ERBB3: variants seen among roughly 807,000 people sequenced by gnomAD.
The protein encoded by ERBB3 is receptor tyrosine-protein kinase erbB-3.
A neutral mutation model predicts 156.7 loss-of-function variants in ERBB3; 96 were observed. That is an observed-to-expected ratio of 0.61 (90% CI 0.52 to 0.73). The LOEUF is 0.73. Ranked by LOEUF, ERBB3 falls within the 30% of genes least tolerant of loss-of-function variation. The pLI is 0.00. For synonymous variants in ERBB3, 567 were observed against 632.0 expected (o/e 0.90, Z 1.54); for missense variants, 1,406 against 1,709.4 (o/e 0.82, Z 3.13).
chr12:56,083,907 G>A lies in ERBB3; in HGVS notation c.234+5G>A, dbSNP rs961946828. The A allele has an allele frequency of 1.2e-6, 2 of 1,613,826 alleles. No homozygotes were observed. Among genetic ancestry groups the A allele is most frequent in the African/African-American group, 2.7e-5 (2 of 74,896 alleles). On this transcript the variant is annotated splice_donor_5th_base_variant and intron_variant, in intron 2 of 27. Coordinates refer to ENST00000267101, the MANE Select transcript of ERBB3 (RefSeq NM_001982.4). ...GCCGACCTCTCCTTCCTGCAGGTTA[G>A]TGAGCCCACCCTCCTTCCTCAACCT...
chr12:56,085,341 G>A (rs548496368), intron 3 of ERBB3, 160 bp downstream of exon 3: 15 of 1,489,110 alleles, frequency 1.0e-5, no homozygotes, highest in African/African-American at 1.4e-5. Context: ...GCAATAGAGG[G>A]CCCCCAGTAG....
At chr12:56,095,459 G>A (rs1237340826) in intron 16 of ERBB3, 149 bp downstream of exon 16, 2 of 895,580 alleles carry the variant, frequency 2.2e-6, no homozygotes, top group African/African-American at 3.3e-5. Context: ...CAAGAATGCA[G>A]GCTTCTGGAC....
chr12:56,082,123 G>C (rs1482419503), intron 1 of ERBB3, among the ~76,000 whole-genome samples: 1 of 152,132 alleles, frequency 6.6e-6, no homozygotes, highest in African/African-American at 2.4e-5. Flanking sequence ...AAACACTTAT[G>C]GGCACGTGGG....
At chr12:56,086,486 G>A (rs774723821) in intron 3 of ERBB3, 45 bp from the exon 4 acceptor site, 18 of 1,613,004 alleles carry the variant, frequency 1.1e-5, no homozygotes, top group Middle Eastern at 1.6e-4. Context: ...AGGAAGAGGC[G>A]TTCCGCTGCG....
At chr12:56,096,139 G>A in intron 17 of ERBB3, 2 of 506,760 alleles carry the variant, frequency 3.9e-6, no homozygotes, top group Non-Finnish European at 3.6e-6. Flanking sequence ...TTCCAGGATG[G>A]CTGTAAGGGT....
chr12:56,084,073 T>C (rs978381555), intron 2 of ERBB3, among the ~76,000 whole-genome samples, 171 bp downstream of exon 2: 1 of 152,164 alleles, frequency 6.6e-6, no homozygotes, highest in Admixed American at 6.6e-5. Flanking sequence ...CTGGGACCTA[T>C]GGTCTCACTG....
intron 3 of ERBB3, 101 bp downstream of exon 3, chr12:56,085,282 C>T: frequency 6.2e-7 from 1 of 1,600,318 alleles, no homozygotes; most frequent in Non-Finnish European, 8.5e-7. Flanking sequence ...GTGCCTCTTC[C>T]AAGGTGCCTG....
Position 56,093,508 on chromosome 12 carries a change from G to T in ERBB3, c.1438G>T (p.Glu480Ter). The T allele has an allele frequency of 6.2e-7, 1 of 1,613,740 alleles. No homozygotes were observed. The highest frequency in any genetic ancestry group is 8.5e-7 in the Non-Finnish European group (1 of 1,179,928). Residue 480 changes from glutamate to a stop codon, truncating the protein, a stop_gained, in exon 12 of 28, where the codon GAG becomes TAG. Transcript: ENST00000267101. LOFTEE classifies it high-confidence loss of function. ...CAAGGTGCTTCGGGGGCCTACGGAA[G>T]AGCGACTAGACATCAAGCATAATCG... Reference protein sequence around the residue: ...WTKVLRGPTEERLDIKHNRPR... With the variant: ...WTKVLRGPTE
rs760334728 is a variant in ERBB3 at position 56,093,011 on chromosome 12, G to A, written c.1209G>A (p.Pro403=). The change falls in exon 11 of 28, where the codon CCG becomes CCA. Residue 403 remains proline (P), a synonymous_variant. Transcript: ENST00000267101. ...ITGYLNIQSW[P]PHMHNFSVFS... ...GTTACCTGAACATCCAGTCCTGGCC[G>A]CCCCACATGCACAACTTCAGTGTTT... 27 of 1,613,972 alleles carry A rather than the reference G, an allele frequency of 1.7e-5. No individual in the cohort carries two copies. Among genetic ancestry groups the A allele is most frequent in the South Asian group, 4.4e-5 (4 of 91,086 alleles).
In ERBB3 at chr12:56,093,778, G is replaced by C. The variant is rs1201268212; in HGVS notation, c.1495G>C (p.Val499Leu). The C allele has an allele frequency of 6.2e-7, 1 of 1,614,126 alleles. No individual in the cohort carries two copies. The highest frequency in any genetic ancestry group is 1.1e-5 in the South Asian group (1 of 91,074). The change falls in exon 13 of 28, where the codon GTG (valine) becomes CTG (leucine). Residue 499 changes from valine (V) to leucine (L), a missense_variant. By Grantham distance (32) the Val-to-Leu change is conservative. Transcript: ENST00000267101. ...PRRDCVAEGK[V>L]CDPLCSSGGC... Reference sequence around the variant, plus strand: ...TTCCTTTCCAGTGGCAGAGGGCAAAGTGTGTGACCCACTGTGCTCCTCTGG... The same window carrying C: ...TTCCTTTCCAGTGGCAGAGGGCAAACTGTGTGACCCACTGTGCTCCTCTGG...
chr12:56,100,275 TAGGATC>T, intron 26 of ERBB3, 30 bp downstream of exon 26: 2 of 1,523,466 alleles, frequency 1.3e-6, no homozygotes, highest in Non-Finnish European at 1.8e-6. Flanking sequence ...GGCTGGGTTT[TAGGATC>T]AGATTGATAC....
At chr12:56,096,962 T>TG (rs975021769) in intron 19 of ERBB3, 83 bp from the exon 20 acceptor site, 86 of 754,156 alleles carry the variant, frequency 1.1e-4, no homozygotes, top group Middle Eastern at 5.2e-4. Context: ...ATGTTGGGGG[T>TG]GGGGGGGCCT....
rs373094956 is a variant in ERBB3 at position 56,090,012 on chromosome 12, A to G, written c.1109+1144A>G. Among the ~76,000 whole-genome samples, 5 of 149,104 alleles carry G rather than the reference A, an allele frequency of 3.4e-5. No individual in the cohort carries two copies. The South Asian group carries it at 1.1e-3, about 32-fold the overall frequency. On this transcript the variant is annotated intron_variant, in intron 9 of 27. Coordinates refer to ENST00000267101, the MANE Select transcript of ERBB3 (RefSeq NM_001982.4). The stretch of plus-strand genomic sequence containing the variant: ...CATATACTTTTTTTTTTTTTTTAAG[A>G]CAAAGTCTCACTCTGTTCCCCAGGC...
At position 56,093,915 on chromosome 12, in the gene ERBB3, G is replaced by A. The variant is rs1367142382; in HGVS notation, c.1613+19G>A. The stretch of plus-strand genomic sequence containing the variant: ...TGAATGGGTACAGTAAGGGGAGCCA[G>A]TCAAGGATGGGTGGGGGTGGGGCCC... On this transcript the variant is annotated intron_variant, in intron 13 of 27. Coordinates refer to ENST00000267101, the MANE Select transcript of ERBB3 (RefSeq NM_001982.4). The A allele has an allele frequency of 1.2e-6, 2 of 1,609,190 alleles. No homozygotes were observed.
At position 56,098,367 on chromosome 12, in the gene ERBB3, G is replaced by A. The variant is rs778660274; in HGVS notation, c.2617-133G>A. The stretch of plus-strand genomic sequence containing the variant: ...GCGGAGCTTGCAGTGGGCCGAGATC[G>A]CACCACTGCACTCCAGTCTGGGCGA... On this transcript the variant is annotated intron_variant, in intron 21 of 27. Coordinates refer to ENST00000267101, the MANE Select transcript of ERBB3 (RefSeq NM_001982.4). 4.0e-4 allele frequency: 284 copies of A among 711,728 alleles called. 3 individuals are homozygous for A. The highest frequency in any genetic ancestry group is 5.8e-4 in the South Asian group (37 of 64,020). The allele number at this position is 711,728 out of a possible 1,614,324, so 44.1% of individuals were successfully genotyped here. A position where few individuals can be genotyped will look rare whatever the true frequency, so the allele number is the denominator to read the frequency against.
Position 56,099,045 on chromosome 12 carries a change from G to A in ERBB3, c.2839+140G>A, listed in dbSNP as rs151309290. 44 of 765,988 alleles carry A rather than the reference G, an allele frequency of 5.7e-5. No individual in the cohort carries two copies. The Middle Eastern group carries it at 1.5e-3, about 27-fold the overall frequency. The allele number at this position is 765,988 out of a possible 1,614,324, so 47.4% of individuals were successfully genotyped here. ...TCAATCTTGGCTCACTACAACCTCC[G>A]CCTCTCGGGTTCAAGAGATTCTCCT... On this transcript the variant is annotated intron_variant, in intron 23 of 27. Transcript: ENST00000267101.
At chr12:56,082,703 T>A (rs1258464614) in intron 1 of ERBB3, among the ~76,000 whole-genome samples, 1 of 152,096 alleles carries the variant, frequency 6.6e-6, no homozygotes, top group East Asian at 1.9e-4. Flanking sequence ...GGCTTCAGAG[T>A]CCAGGACTTC....
intron 3 of ERBB3, among the ~76,000 whole-genome samples, chr12:56,086,063 C>CA (rs56926853): frequency 0.014 from 1,277 of 88,646 alleles, 1 homozygote; most frequent in East Asian, 0.02. Flanking sequence ...AGCGAGACTC[C>CA]AAAAAAAAAA....
At chr12:56,086,037 C>T (rs1398115421) in intron 3 of ERBB3, among the ~76,000 whole-genome samples, 10 of 138,418 alleles carry the variant, frequency 7.2e-5, no homozygotes, top group Non-Finnish European at 1.5e-4. Context: ...CCACTGCACT[C>T]CAGCCTGGGC....
Sources: gnomAD v4.1 joint callset for allele counts (sites outside exome capture counted in the v4.1 genomes callset) on GRCh38, gnomAD v4.1.1 for gene constraint, MANE v1.5 for transcripts, NCBI Gene and HGNC (gene_info 2026-07-23, HGNC 2026-07-21) for gene names.